PDE3A: variants seen among roughly 807,000 people sequenced by gnomAD.
PDE3A encodes the protein phosphodiesterase 3A.
PDE3A carries 43 observed loss-of-function variants against 98.3 expected under a neutral mutation model. The ratio of observed to expected loss-of-function variants is 0.44; its 90% CI spans 0.34 to 0.56. The LOEUF (loss-of-function observed/expected upper bound fraction) is 0.56. PDE3A is among the 20% of genes least tolerant of loss of function. The pLI is 0.01. For synonymous variants in PDE3A, 663 were observed against 567.9 expected, an observed-to-expected ratio of 1.17 and a Z score of -2.38; for missense variants, 1,427 against 1,440.7, an observed-to-expected ratio of 0.99 and a Z score of 0.15.
intron 2 of PDE3A, among the ~76,000 whole-genome samples, chr12:20,575,233 T>A (rs919172422): frequency 2.6e-5 from 4 of 151,870 alleles, no homozygotes; most frequent in Non-Finnish European, 5.9e-5. Flanking sequence ...AAATTGGATT[T>A]ACTTTTTAAT....
In PDE3A at chr12:20,369,378, C is replaced by CT; in HGVS notation, c.94_95insT (p.Arg32LeufsTer57). 1 of 1,550,164 alleles carries CT rather than the reference C, an allele frequency of 6.5e-7. No homozygotes were observed. The highest frequency in any genetic ancestry group is 8.7e-7 in the Non-Finnish European group (1 of 1,147,390). ...CACGGCGGGCCGGGACTGCCACCAT[C>CT]GTGCGGACCCCGCATCGCCGCGGGA... is the stretch of plus-strand genomic sequence containing the variant. On this transcript the variant is annotated frameshift_variant, in exon 1 of 16. Coordinates refer to ENST00000359062, the MANE Select transcript of PDE3A (RefSeq NM_000921.5). LOFTEE classifies it high-confidence loss of function.
intron 1 of PDE3A, among the ~76,000 whole-genome samples, chr12:20,474,316 T>G (rs182876141): frequency 4.1e-4 from 62 of 152,312 alleles, no homozygotes; most frequent in Non-Finnish European, 2.4e-4. Context: ...TTTACATATT[T>G]TCGATATGTG....
intron 4 of PDE3A, among the ~76,000 whole-genome samples, chr12:20,619,580 G>A (rs908428537): frequency 3.3e-5 from 5 of 152,056 alleles, no homozygotes; most frequent in African/African-American, 9.7e-5. Flanking sequence ...CCAGCATCAC[G>A]AGAAAATAGT....
intron 1 of PDE3A, among the ~76,000 whole-genome samples, chr12:20,425,774 C>T (rs566996660): frequency 3.3e-5 from 5 of 152,226 alleles, no homozygotes; most frequent in African/African-American, 4.8e-5. Context: ...TGGCACTATG[C>T]GTATTTCACC....
chr12:20,681,448 C>T lies in PDE3A; in HGVS notation c.*1177C>T, dbSNP rs1388889226. On this transcript the variant is annotated 3_prime_UTR_variant, in exon 16 of 16. Transcript: ENST00000359062. ...TATGTGGTAGAGAAAGAAAAGGAAA[C>T]AGAAAAATCACTCTGGGTTATATAG... 1.3e-5 allele frequency: 2 copies of T among 152,118 alleles called. No homozygotes were observed. The highest frequency in any genetic ancestry group is 2.4e-5 in the African/African-American group (1 of 41,438). The allele number at this position is 152,118 out of a possible 1,614,324, so 9.4% of individuals were successfully genotyped here.
chr12:20,580,473 G>C (rs1359598745), intron 2 of PDE3A, among the ~76,000 whole-genome samples: 3 of 152,150 alleles, frequency 2.0e-5, no homozygotes, highest in Non-Finnish European at 4.4e-5. Context: ...AATAAAAGTT[G>C]TTTGGGGTGG....
intron 2 of PDE3A, among the ~76,000 whole-genome samples, chr12:20,598,597 AGG>A (rs1225465976): frequency 6.6e-6 from 1 of 152,192 alleles, no homozygotes; most frequent in African/African-American, 2.4e-5. Context: ...AGATTATCAA[AGG>A]GGAACATTTT....
At chr12:20,370,320 CGA>C in intron 1 of PDE3A, 76 bp downstream of exon 1, 2 of 1,318,536 alleles carry the variant, frequency 1.5e-6, no homozygotes, top group Non-Finnish European at 2.0e-6. Context: ...GGAGAGAATC[CGA>C]GCGCTGGGAA....
chr12:20,646,652 GTGTTTT>G (rs1345928960), intron 11 of PDE3A, 49 bp downstream of exon 11: 13 of 1,397,866 alleles, frequency 9.3e-6, no homozygotes, highest in African/African-American at 1.4e-5. Flanking sequence ...GGGAACAAGG[GTGTTTT>G]TGTTTTTGTT....
At position 20,552,323 on chromosome 12, in the gene PDE3A, G is replaced by A. The variant is rs1942234247; in HGVS notation, c.961-4337G>A. The A allele has an allele frequency of 3.7e-6, 6 of 1,613,776 alleles. No homozygotes were observed. In the South Asian group the frequency reaches 6.6e-5, roughly 18 times the overall value. On this transcript the variant is annotated intron_variant, in intron 1 of 15. Coordinates refer to ENST00000359062, the MANE Select transcript of PDE3A (RefSeq NM_000921.5). The surrounding 1 kb of genome is among the most constrained non-coding windows in gnomAD (Gnocchi z 5.1). ...GGCATCTACAAGGTTGTGAAATACT[G>A]GCCCGAGAAGGGGAAGTCCGGGTTT...
At chr12:20,545,396 T>G (rs1040076136) in intron 1 of PDE3A, among the ~76,000 whole-genome samples, 2 of 152,024 alleles carry the variant, frequency 1.3e-5, no homozygotes, top group Admixed American at 1.3e-4. Flanking sequence ...CCAGTGCTTA[T>G]GAAATTTACA....
chr12:20,674,601 G>A (rs902887182), intron 15 of PDE3A, among the ~76,000 whole-genome samples: 2 of 151,902 alleles, frequency 1.3e-5, no homozygotes, highest in Non-Finnish European at 2.9e-5. Flanking sequence ...TTTATTGTTG[G>A]GAGTCTTTAT....
At chr12:20,603,184 A>G (rs1020155344) in intron 2 of PDE3A, among the ~76,000 whole-genome samples, 1 of 152,144 alleles carries the variant, frequency 6.6e-6, no homozygotes, top group African/African-American at 2.4e-5. Flanking sequence ...TTTCCTTTTT[A>G]TGTGTCATCT....
intron 2 of PDE3A, among the ~76,000 whole-genome samples, chr12:20,598,780 C>T (rs111731460): frequency 7.8e-4 from 119 of 152,204 alleles, no homozygotes; most frequent in South Asian, 1.9e-3. Context: ...TTTCTTATGT[C>T]GCCATATCTC....
intron 1 of PDE3A, among the ~76,000 whole-genome samples, chr12:20,493,713 C>T (rs1366792418): frequency 6.6e-6 from 1 of 152,306 alleles, no homozygotes; most frequent in East Asian, 1.9e-4. Flanking sequence ...TCACCGCAGC[C>T]TCCGACTCCC....
chr12:20,573,959 G>A (rs1028929046), intron 2 of PDE3A, among the ~76,000 whole-genome samples: 12 of 151,980 alleles, frequency 7.9e-5, no homozygotes, highest in Non-Finnish European at 1.5e-4. Flanking sequence ...TTCAGCCCAC[G>A]GAAATATAGC....
chr12:20,666,439 A>T (rs1382756864), intron 15 of PDE3A, among the ~76,000 whole-genome samples: 2 of 152,040 alleles, frequency 1.3e-5, no homozygotes, highest in Non-Finnish European at 2.9e-5. Flanking sequence ...CCCCAACCAT[A>T]CACCCTTCTC....
At chr12:20,503,149 G>C (rs372368455) in intron 1 of PDE3A, among the ~76,000 whole-genome samples, 1 of 151,598 alleles carries the variant, frequency 6.6e-6, no homozygotes, top group African/African-American at 2.4e-5. Context: ...ATAGTACCAC[G>C]GTAGTATTTT....
intron 2 of PDE3A, among the ~76,000 whole-genome samples, chr12:20,566,054 A>G (rs973609045): frequency 6.6e-6 from 1 of 151,956 alleles, no homozygotes; most frequent in African/African-American, 2.4e-5. Flanking sequence ...ACATCAGTAA[A>G]CCCAAAGTTA....
Sources: allele counts gnomAD v4.1 joint callset (sites outside exome capture counted in the v4.1 genomes callset), GRCh38; gene constraint gnomAD v4.1.1; non-coding constraint Gnocchi (gnomAD v3.1); transcripts MANE v1.5; gene names NCBI Gene and HGNC (gene_info 2026-07-23, HGNC 2026-07-21).